ARHGAP32: variants seen among roughly 807,000 people sequenced by gnomAD.
The protein encoded by ARHGAP32 is rho GTPase-activating protein 32.
In ARHGAP32, 51 loss-of-function variants were observed where a neutral mutation model predicts 186.5. The observed-to-expected ratio is 0.27, with a 90% confidence interval of 0.22 to 0.35. ARHGAP32 has a LOEUF of 0.35. ARHGAP32 is among the 10% of genes least tolerant of loss of function. ARHGAP32 has a pLI of 1.00. For synonymous variants in ARHGAP32, 950 were observed against 964.3 expected (o/e 0.99, Z 0.27); for missense variants, 2,186 against 2,623.5 (o/e 0.83, Z 3.64).
upstream of ARHGAP32, among the ~76,000 whole-genome samples, chr11:129,193,990 A>G (rs935378629): frequency 2.0e-5 from 3 of 151,630 alleles, no homozygotes; most frequent in African/African-American, 7.3e-5. Context: ...TAAACATAAA[A>G]GAAACTTAAA....
At chr11:129,001,101 A>G (rs529882073) in intron 11 of ARHGAP32, among the ~76,000 whole-genome samples, 27 of 152,294 alleles carry the variant, frequency 1.8e-4, no homozygotes, top group African/African-American at 5.8e-4. Flanking sequence ...GGGAGTGCAG[A>G]TATCTCTTCT....
chr11:129,192,616 A>T (rs1052237172), upstream of ARHGAP32, among the ~76,000 whole-genome samples: 2 of 152,220 alleles, frequency 1.3e-5, no homozygotes. Context: ...AACTAGAAAG[A>T]ATAACACCAT....
At chr11:128,992,782 C>T (rs368048906) in intron 12 of ARHGAP32, among the ~76,000 whole-genome samples, 1 of 151,900 alleles carries the variant, frequency 6.6e-6, no homozygotes, top group Non-Finnish European at 1.5e-5. Flanking sequence ...AGCAAAACTC[C>T]GTATCAAAAC....
At chr11:129,030,822 G>C (rs1201863318) in intron 11 of ARHGAP32, among the ~76,000 whole-genome samples, 1 of 152,178 alleles carries the variant, frequency 6.6e-6, no homozygotes, top group Non-Finnish European at 1.5e-5. Flanking sequence ...CTAGCAGGAG[G>C]TGTTTTGGTC....
At chr11:128,991,262 G>A (rs1306898815) in intron 12 of ARHGAP32, among the ~76,000 whole-genome samples, 3 of 152,062 alleles carry the variant, frequency 2.0e-5, no homozygotes, top group Non-Finnish European at 2.9e-5. Context: ...TATATTTTGT[G>A]TTCCCTGAGT....
At chr11:129,169,587 G>A (rs949865147) in intron 1 of ARHGAP32, among the ~76,000 whole-genome samples, 42 of 136,384 alleles carry the variant, frequency 3.1e-4, no homozygotes, top group Admixed American at 1.9e-3. Context: ...AGCTGAGATC[G>A]CACCACTGCA....
chr11:129,245,595 A>T (rs1945082080), intron 1 of ARHGAP32, among the ~76,000 whole-genome samples: 1 of 149,598 alleles, frequency 6.7e-6, no homozygotes, highest in Non-Finnish European at 1.5e-5. Context: ...AACTTAAAGT[A>T]TAATAAAAAT....
At chr11:129,129,182 T>A (rs1306423182) in intron 2 of ARHGAP32, among the ~76,000 whole-genome samples, 3 of 137,728 alleles carry the variant, frequency 2.2e-5, no homozygotes, top group Non-Finnish European at 4.8e-5. Flanking sequence ...GAGGAGCCCC[T>A]CCGCCCGGCA....
chr11:129,021,698 T>G (rs912594599), intron 11 of ARHGAP32, among the ~76,000 whole-genome samples: 23 of 152,112 alleles, frequency 1.5e-4, no homozygotes, highest in African/African-American at 5.5e-4. Flanking sequence ...CTGCTAAAAG[T>G]GATACTAATT....
intron 5 of ARHGAP32, among the ~76,000 whole-genome samples, chr11:129,093,989 A>G (rs988888610): frequency 2.0e-5 from 3 of 152,178 alleles, no homozygotes; most frequent in Non-Finnish European, 2.9e-5. Flanking sequence ...ATAGTATGAC[A>G]TAACAGTTTA....
At position 129,272,576 on chromosome 11, in the gene ARHGAP32, A is replaced by G. The variant is rs1945485771; in HGVS notation, c.-5+6570T>C. Among the ~76,000 whole-genome samples the G allele has an allele frequency of 3.9e-5, 6 of 152,344 alleles. No homozygotes were observed. The South Asian group carries it at 1.2e-3, about 32-fold the overall frequency. ...AAATGCAGTTTCTAGCTGGGCCAAC[A>G]TGTGCCCAGATAAACCCTGAGGATC... On this transcript the variant is annotated intron_variant, in intron 1 of 6. Coordinates refer to the ARHGAP32 transcript ENST00000525234.
chr11:128,976,177 T>C (rs1472405905), intron 20 of ARHGAP32, among the ~76,000 whole-genome samples: 2 of 152,026 alleles, frequency 1.3e-5, no homozygotes, highest in African/African-American at 2.4e-5. Context: ...TCCACCTAGC[T>C]TGCTGCATTG....
intron 11 of ARHGAP32, among the ~76,000 whole-genome samples, chr11:129,029,677 C>T (rs1939016700): frequency 6.6e-6 from 1 of 151,856 alleles, no homozygotes; most frequent in African/African-American, 2.4e-5. Context: ...GTGCAGGCGC[C>T]TGTAGTCCCA....
chr11:129,028,538 A>G (rs1938963051), intron 11 of ARHGAP32, among the ~76,000 whole-genome samples: 2 of 152,242 alleles, frequency 1.3e-5, no homozygotes, highest in African/African-American at 2.4e-5. Flanking sequence ...TAAGAGTTAC[A>G]TGATGAAAGC....
intron 6 of ARHGAP32, among the ~76,000 whole-genome samples, chr11:129,070,694 C>T (rs1940840282): frequency 6.6e-6 from 1 of 151,906 alleles, no homozygotes; most frequent in South Asian, 2.1e-4. Flanking sequence ...TTCTGTGAGT[C>T]TAAAATCGTT....
chr11:129,038,888 G>GAAAAAAAAAAAAAAAAAAAAA (rs56810685), intron 11 of ARHGAP32, among the ~76,000 whole-genome samples: 2 of 92,192 alleles, frequency 2.2e-5, no homozygotes, highest in Non-Finnish European at 2.1e-5. Context: ...ACCCTGTCTC[G>GAAAAAAAAAAAAAAAAAAAAA]AAAAAAAAAA....
chr11:128,995,135 T>A (rs1362506864), intron 12 of ARHGAP32, among the ~76,000 whole-genome samples: 1 of 152,202 alleles, frequency 6.6e-6, no homozygotes, highest in Non-Finnish European at 1.5e-5. Flanking sequence ...CACCTAAGTA[T>A]CCAGACTTTC....
At chr11:129,140,702 G>T (rs1218872592) in intron 2 of ARHGAP32, among the ~76,000 whole-genome samples, 1 of 152,158 alleles carries the variant, frequency 6.6e-6, no homozygotes, top group Non-Finnish European at 1.5e-5. Context: ...AATCCTAGAG[G>T]AAGGAGCAAA....
At chr11:128,975,934 C>T (rs1477234665) in intron 20 of ARHGAP32, among the ~76,000 whole-genome samples, 3 of 151,966 alleles carry the variant, frequency 2.0e-5, no homozygotes, top group Non-Finnish European at 2.9e-5. Flanking sequence ...ATTATGCTCC[C>T]GGGCATGGTG....
Sources: gnomAD v4.1 joint callset for allele counts (sites outside exome capture counted in the v4.1 genomes callset) on GRCh38, gnomAD v4.1.1 for gene constraint, MANE v1.5 for transcripts, NCBI Gene and HGNC (gene_info 2026-07-23, HGNC 2026-07-21) for gene names.